ARHGEF11: variants seen among roughly 807,000 people sequenced by gnomAD.
ARHGEF11 encodes the protein Rho guanine nucleotide exchange factor 11.
Under a neutral mutation model 193.7 loss-of-function variants are expected in ARHGEF11, and 55 were observed. That is an observed-to-expected ratio of 0.28 (90% CI 0.23 to 0.36). The LOEUF (loss-of-function observed/expected upper bound fraction) is 0.36, where lower values mean the gene tolerates loss of function less well. Among genes scored for constraint, ARHGEF11 ranks in the 10% least tolerant of loss-of-function variants. The probability of loss-of-function intolerance (pLI) is 1.00; values close to 1 mark genes in which losing one functional copy is unlikely to be tolerated. For missense variants in ARHGEF11, 1,723 were observed against 2,005.6 expected, an observed-to-expected ratio of 0.86 and a Z score of 2.69; for synonymous variants, 693 against 768.0, an observed-to-expected ratio of 0.90 and a Z score of 1.62.
At chr1:157,017,339 T>C (rs927683325) in intron 1 of ARHGEF11, among the ~76,000 whole-genome samples, 2 of 152,286 alleles carry the variant, frequency 1.3e-5, no homozygotes, top group South Asian at 2.1e-4. Context: ...TATAATTATT[T>C]GTTTGTATGT....
chr1:156,979,272 C>G lies in ARHGEF11; in HGVS notation c.288G>C (p.Met96Ile), dbSNP rs372928935. The change falls in exon 5 of 41, where the codon ATG becomes ATC. Residue 96 changes from methionine (M) to isoleucine (I), a missense_variant. By Grantham distance (10) the Met-to-Ile change is conservative. Coordinates refer to ENST00000368194, the MANE Select transcript of ARHGEF11 (RefSeq NM_198236.3). ...CTTCCAGGTGTGAGCTATTGGTCACCATGGTGCCGTTGACCTGTTGGAGGG... is the reference window on the plus strand; with the variant it reads ...CTTCCAGGTGTGAGCTATTGGTCACGATGGTGCCGTTGACCTGTTGGAGGG... Reference protein sequence around the residue: ...GDRIIKVNGTMVTNSSHLEVV... With the variant: ...GDRIIKVNGTIVTNSSHLEVV... The G allele has an allele frequency of 7.8e-5, 126 of 1,613,760 alleles. No homozygotes were observed. The highest frequency in any genetic ancestry group is 1.0e-4 in the Non-Finnish European group (121 of 1,179,936).
At chr1:156,949,607 T>C (rs143765862) in intron 22 of ARHGEF11, among the ~76,000 whole-genome samples, 176 of 152,232 alleles carry the variant, frequency 1.2e-3, no homozygotes, top group African/African-American at 3.9e-3. Flanking sequence ...TGCCCACTGA[T>C]CCCTTATTGA....
Position 156,944,023 on chromosome 1 carries a change from G to A in ARHGEF11, c.3147C>T (p.Ser1049=). 6.2e-7 allele frequency: 1 copy of A among 1,614,188 alleles called. No homozygotes were observed. Residue 1049 remains serine, a synonymous_variant, in exon 32 of 41, where the codon AGC becomes AGT. Transcript: ENST00000368194. Reference sequence around the variant, plus strand: ...TGTCTGAGGAGCCCACAGCAGTCTTGCTGTGGCACTTCAGCAATAGCTTCT... The same window carrying A: ...TGTCTGAGGAGCCCACAGCAGTCTTACTGTGGCACTTCAGCAATAGCTTCT... ...QDEKLLLKCH[S]KTAVGSSDSK...
At chr1:157,044,195 G>C (rs1673099503) in intron 1 of ARHGEF11, 104 bp downstream of exon 1, 6 of 1,086,366 alleles carry the variant, frequency 5.5e-6, no homozygotes, top group Non-Finnish European at 8.5e-6. Flanking sequence ...AATTCCCATA[G>C]CCCACCCAGA....
intron 7 of ARHGEF11, among the ~76,000 whole-genome samples, chr1:156,973,513 C>T (rs939758637): frequency 2.6e-5 from 4 of 152,212 alleles, no homozygotes; most frequent in African/African-American, 7.2e-5. Context: ...CACCTTCATA[C>T]TGAGGATATC....
intron 22 of ARHGEF11, 139 bp downstream of exon 22, chr1:156,951,434 G>T: frequency 8.8e-7 from 1 of 1,135,824 alleles, no homozygotes; most frequent in Non-Finnish European, 1.2e-6. Flanking sequence ...GAAGATACTG[G>T]GGGTGGGGAG....
chr1:157,004,535 T>G (rs919568968), intron 1 of ARHGEF11, among the ~76,000 whole-genome samples: 1 of 152,020 alleles, frequency 6.6e-6, no homozygotes, highest in African/African-American at 2.4e-5. Flanking sequence ...TCTTTCTACT[T>G]CTCCCAACCC....
In ARHGEF11 at chr1:156,944,024, C is replaced by T; in HGVS notation, c.3146G>A (p.Ser1049Asn). Residue 1049 changes from serine to asparagine, a missense_variant, in exon 32 of 41, where the codon AGC becomes AAC. Coordinates refer to ENST00000368194, the MANE Select transcript of ARHGEF11 (RefSeq NM_198236.3). ...QDEKLLLKCH[S>N]KTAVGSSDSK... ...GTCTGAGGAGCCCACAGCAGTCTTG[C>T]TGTGGCACTTCAGCAATAGCTTCTC... 1 of 1,614,142 alleles carries T rather than the reference C, an allele frequency of 6.2e-7. No homozygotes were observed.
At chr1:157,028,514 G>A (rs1670922427) in intron 1 of ARHGEF11, among the ~76,000 whole-genome samples, 2 of 152,098 alleles carry the variant, frequency 1.3e-5, no homozygotes, top group Admixed American at 1.3e-4. Flanking sequence ...ACATGATGGC[G>A]AGTAGAGCCC....
At chr1:156,971,304 G>A (rs537600693) in intron 8 of ARHGEF11, among the ~76,000 whole-genome samples, 1 of 152,204 alleles carries the variant, frequency 6.6e-6, no homozygotes, top group African/African-American at 2.4e-5. Context: ...CTCATTACTT[G>A]AGTATAGGTG....
intron 7 of ARHGEF11, among the ~76,000 whole-genome samples, chr1:156,975,892 C>T (rs1005372632): frequency 2.6e-4 from 39 of 152,308 alleles, no homozygotes; most frequent in African/African-American, 9.1e-4. Flanking sequence ...GGGTTAATTT[C>T]TGGCATGTGA....
At chr1:156,938,052 C>T (rs1158320126) in intron 38 of ARHGEF11, among the ~76,000 whole-genome samples, 6 of 152,294 alleles carry the variant, frequency 3.9e-5, no homozygotes, top group South Asian at 2.1e-4. Context: ...CTCTTTCAGC[C>T]GATTTCCACA....
Position 156,938,696 on chromosome 1 carries a change from A to G in ARHGEF11, c.4097-183T>C, listed in dbSNP as rs1006922780. The G allele has an allele frequency of 1.1e-4, 56 of 512,674 alleles. No homozygotes were observed. In the Middle Eastern group the frequency reaches 1.4e-3, roughly 13 times the overall value. The allele number at this position is 512,674 out of a possible 1,614,324, so 31.8% of individuals were successfully genotyped here. ...AGGCAGTGCAGAGAACTTTCCACCA[A>G]TTCACCGAGAGACAGAGAAGGAAGG... On this transcript the variant is annotated intron_variant, in intron 37 of 40. Coordinates refer to ENST00000368194, the MANE Select transcript of ARHGEF11 (RefSeq NM_198236.3).
intron 21 of ARHGEF11, among the ~76,000 whole-genome samples, chr1:156,953,929 CAAACGTCA>C (rs1482293604): frequency 6.6e-6 from 1 of 152,102 alleles, no homozygotes; most frequent in Non-Finnish European, 1.5e-5. Context: ...TGCTGGCAGT[CAAACGTCA>C]AAAGAGATGG....
intron 1 of ARHGEF11, among the ~76,000 whole-genome samples, chr1:157,009,857 C>T (rs1037627135): frequency 2.6e-5 from 4 of 152,224 alleles, no homozygotes; most frequent in Non-Finnish European, 5.9e-5. Context: ...TCCTCACACA[C>T]TCGATTCAAT....
chr1:156,988,079 AG>A lies in ARHGEF11; in HGVS notation c.33-1907del, dbSNP rs940032558. Among the ~76,000 whole-genome samples, 115 of 152,346 alleles carry A rather than the reference AG, an allele frequency of 7.5e-4. No homozygotes were observed. The Middle Eastern group carries it at 0.017, about 23-fold the overall frequency. On this transcript the variant is annotated intron_variant, in intron 1 of 40. Coordinates refer to ENST00000368194, the MANE Select transcript of ARHGEF11 (RefSeq NM_198236.3). Reference sequence around the variant, plus strand: ...TAGGCCATTCGCCACAGCATCTAACAGGAAGTATAATGCCTGATGCCCGGGG... The same window carrying A: ...TAGGCCATTCGCCACAGCATCTAACAGAAGTATAATGCCTGATGCCCGGGG...
chr1:156,975,412 T>C (rs1663118571), intron 7 of ARHGEF11, among the ~76,000 whole-genome samples: 1 of 152,234 alleles, frequency 6.6e-6, no homozygotes, highest in African/African-American at 2.4e-5. Context: ...GTCTTTTTAT[T>C]GCTGAGCTTT....
chr1:156,970,041 G>A lies in ARHGEF11; in HGVS notation c.705C>T (p.Asp235=). 1 of 1,613,922 alleles carries A rather than the reference G, an allele frequency of 6.2e-7. No homozygotes were observed. Among genetic ancestry groups the A allele is most frequent in the Non-Finnish European group, 8.5e-7 (1 of 1,179,844 alleles). ...TGGTGTCACCATATAGTGGAAGTAT[G>A]TCCTGAAACAGAAAGGCCCACAGGG... ...KIQQETGGSV[D]ILPLYGDTSQ... The change falls in exon 9 of 41, where the codon GAC becomes GAT. Residue 235 remains aspartate (D), a splice_region_variant and synonymous_variant. Transcript: ENST00000368194.
intron 34 of ARHGEF11, 50 bp downstream of exon 34, chr1:156,941,814 G>A: frequency 6.5e-7 from 1 of 1,549,946 alleles, no homozygotes; most frequent in African/African-American, 1.4e-5. Flanking sequence ...GCAGGAAACA[G>A]GAGGTTTGGA....
Sources: allele counts gnomAD v4.1 joint callset (sites outside exome capture counted in the v4.1 genomes callset), GRCh38; gene constraint gnomAD v4.1.1; transcripts MANE v1.5; gene names NCBI Gene and HGNC (gene_info 2026-07-23, HGNC 2026-07-21).